SENP2: variants seen among roughly 807,000 people sequenced by gnomAD.
SENP2 encodes SUMO specific peptidase 2, also known as sentrin-specific protease 2.
A neutral mutation model predicts 86.3 loss-of-function variants in SENP2; 16 were observed. That is an observed-to-expected ratio of 0.19 (90% CI 0.13 to 0.28). The LOEUF (loss-of-function observed/expected upper bound fraction) is 0.28. Ranked by LOEUF, SENP2 falls within the 10% of genes least tolerant of loss-of-function variation. The probability of loss-of-function intolerance (pLI) is 1.00; values close to 1 mark genes in which losing one functional copy is unlikely to be tolerated. For missense variants in SENP2, 552 were observed against 703.0 expected (o/e 0.79, Z 2.43); for synonymous variants, 222 against 238.7 (o/e 0.93, Z 0.64).
intron 8 of SENP2, 81 bp from the exon 9 acceptor site, chr3:185,612,526 G>A (rs1370695449): frequency 3.0e-6 from 3 of 1,006,416 alleles, no homozygotes; most frequent in South Asian, 1.4e-5. Flanking sequence ...TTGATGTTGT[G>A]GAAACTCTGT....
chr3:185,617,654 T>C, intron 12 of SENP2, 43 bp downstream of exon 12: 1 of 1,575,460 alleles, frequency 6.3e-7, no homozygotes, highest in Non-Finnish European at 8.7e-7. Context: ...ATTAAGTTTA[T>C]TTATTTATTA....
intron 1 of SENP2, among the ~76,000 whole-genome samples, chr3:185,587,183 A>G (rs1324733810): frequency 6.6e-6 from 1 of 152,056 alleles, no homozygotes; most frequent in Non-Finnish European, 1.5e-5. Context: ...CCCAGGCTGG[A>G]GTGCAGTGGT....
chr3:185,628,795 C>G (rs1055907195), intron 16 of SENP2, among the ~76,000 whole-genome samples: 1 of 152,170 alleles, frequency 6.6e-6, no homozygotes, highest in Non-Finnish European at 1.5e-5. Context: ...CGTGAGCCAC[C>G]GCGCCTGGCC....
chr3:185,610,220 A>G (rs1722640799), intron 7 of SENP2, among the ~76,000 whole-genome samples: 1 of 133,816 alleles, frequency 7.5e-6, no homozygotes, highest in Non-Finnish European at 1.5e-5. Context: ...GAGTGCAGTG[A>G]TGCAATCTCA....
At chr3:185,605,390 C>T (rs1209881145) in intron 5 of SENP2, among the ~76,000 whole-genome samples, 2 of 151,872 alleles carry the variant, frequency 1.3e-5, no homozygotes, top group Non-Finnish European at 2.9e-5. Flanking sequence ...AGAATAAGGG[C>T]ATTCACTTAC....
chr3:185,608,200 G>A (rs991942481), intron 6 of SENP2, among the ~76,000 whole-genome samples: 1 of 152,224 alleles, frequency 6.6e-6, no homozygotes, highest in African/African-American at 2.4e-5. Context: ...ATTTGATAAG[G>A]AGGCAGAGAG....
intron 14 of SENP2, 67 bp from the exon 15 acceptor site, chr3:185,623,931 A>G (rs766096981): frequency 5.7e-6 from 5 of 878,668 alleles, no homozygotes; most frequent in East Asian, 2.6e-5. Context: ...AGAAAGCCCT[A>G]TGTAACCATA....
intron 7 of SENP2, among the ~76,000 whole-genome samples, chr3:185,609,810 C>A (rs937908358): frequency 2.0e-5 from 3 of 151,996 alleles, no homozygotes; most frequent in African/African-American, 4.8e-5. Flanking sequence ...TGCCTCACCC[C>A]TACCCCATGA....
intron 2 of SENP2, among the ~76,000 whole-genome samples, chr3:185,595,348 A>G (rs1331081106): frequency 6.6e-6 from 1 of 152,224 alleles, no homozygotes; most frequent in African/African-American, 2.4e-5. Flanking sequence ...AGTGCAGCAG[A>G]GTGTGTACTA....
At chr3:185,602,018 T>A (rs953245950) in intron 5 of SENP2, among the ~76,000 whole-genome samples, 10 of 152,188 alleles carry the variant, frequency 6.6e-5, no homozygotes, top group Admixed American at 2.0e-4. Flanking sequence ...TCCCCCTGCC[T>A]ATTCCCAGTG....
intron 5 of SENP2, among the ~76,000 whole-genome samples, chr3:185,602,663 G>C (rs908769637): frequency 6.6e-6 from 1 of 151,418 alleles, no homozygotes; most frequent in African/African-American, 2.4e-5. Flanking sequence ...GAGAAATCCC[G>C]TTTCTACTAA....
intron 2 of SENP2, among the ~76,000 whole-genome samples, chr3:185,594,549 T>C (rs888843063): frequency 6.6e-5 from 10 of 151,258 alleles, no homozygotes; most frequent in African/African-American, 2.4e-4. Flanking sequence ...CATTGGTTGC[T>C]TTTGAGAGAA....
chr3:185,594,768 C>T (rs1722123134), intron 2 of SENP2, among the ~76,000 whole-genome samples: 1 of 152,084 alleles, frequency 6.6e-6, no homozygotes, highest in South Asian at 2.1e-4. Flanking sequence ...TACAGGTGTG[C>T]ACCACCATGC....
chr3:185,594,153 C>T (rs1351259030), intron 2 of SENP2, among the ~76,000 whole-genome samples: 1 of 149,806 alleles, frequency 6.7e-6, no homozygotes, highest in African/African-American at 2.5e-5. Flanking sequence ...ATAGCTTGTA[C>T]TTGGATGTGG....
intron 5 of SENP2, among the ~76,000 whole-genome samples, chr3:185,604,255 T>C (rs907576356): frequency 5.9e-5 from 9 of 152,250 alleles, no homozygotes; most frequent in Non-Finnish European, 1.0e-4. Flanking sequence ...ATATCTGTTA[T>C]TGATTTCTAG....
At chr3:185,613,170 G>A (rs1722750213) in intron 9 of SENP2, among the ~76,000 whole-genome samples, 175 bp from the exon 10 acceptor site, 1 of 152,224 alleles carries the variant, frequency 6.6e-6, no homozygotes, top group South Asian at 2.1e-4. Flanking sequence ...AACCTGCAAA[G>A]CCTAAAATAC....
chr3:185,595,999 G>A (rs759755307), intron 2 of SENP2, among the ~76,000 whole-genome samples: 3 of 151,730 alleles, frequency 2.0e-5, no homozygotes, highest in Non-Finnish European at 2.9e-5. Flanking sequence ...GGAGTCTCAC[G>A]CTGTTGCCCA....
chr3:185,595,800 T>TTA (rs1722155629), intron 2 of SENP2, among the ~76,000 whole-genome samples: 1 of 147,814 alleles, frequency 6.8e-6, no homozygotes, highest in Non-Finnish European at 1.5e-5. Context: ...GCCTGAGATT[T>TTA]TTTTTTTTTT....
chr3:185,611,020 A>G (rs1311493597), intron 7 of SENP2, among the ~76,000 whole-genome samples: 1 of 152,142 alleles, frequency 6.6e-6, no homozygotes, highest in Non-Finnish European at 1.5e-5. Context: ...TCACACCTGT[A>G]ATCCCAGCGC....
Sources: gnomAD v4.1 joint callset for allele counts (sites outside exome capture counted in the v4.1 genomes callset) on GRCh38, gnomAD v4.1.1 for gene constraint, MANE v1.5 for transcripts, NCBI Gene and HGNC (gene_info 2026-07-23, HGNC 2026-07-21) for gene names.